The following LRRC3B variants were observed in gnomAD, a reference collection of about 807,000 sequenced individuals.
The protein encoded by LRRC3B is leucine rich repeat containing 3B, also known as leucine-rich repeat-containing protein 3B.
In LRRC3B, 2 loss-of-function variants were observed where a neutral mutation model predicts 12.8. The ratio of observed to expected loss-of-function variants is 0.16; its 90% CI spans 0.06 to 0.49. The LOEUF (loss-of-function observed/expected upper bound fraction) is 0.49. LRRC3B is among the 20% of genes least tolerant of loss of function. LRRC3B has a pLI of 0.96. For synonymous variants in LRRC3B, 132 were observed against 122.0 expected, an observed-to-expected ratio of 1.08 and a Z score of -0.54; for missense variants, 189 against 319.4, an observed-to-expected ratio of 0.59 and a Z score of 3.11.
At chr3:26,636,973 T>A in intron 1 of LRRC3B, among the ~76,000 whole-genome samples, 1 of 117,390 alleles carries the variant, frequency 8.5e-6, no homozygotes, top group Admixed American at 9.7e-5. Context: ...TTTCTTTCTT[T>A]CTCTCTCTCT....
intron 1 of LRRC3B, among the ~76,000 whole-genome samples, chr3:26,674,507 A>AATT (rs1348817100): frequency 1.3e-5 from 2 of 152,204 alleles, no homozygotes; most frequent in Non-Finnish European, 2.9e-5. Flanking sequence ...TTTCTAAATA[A>AATT]ATTATATATT....
intron 1 of LRRC3B, among the ~76,000 whole-genome samples, chr3:26,639,855 C>A (rs1031894841): frequency 6.6e-6 from 1 of 152,046 alleles, no homozygotes; most frequent in Non-Finnish European, 1.5e-5. Flanking sequence ...TTTGTGTGAC[C>A]CTTCCCAAAG....
intron 1 of LRRC3B, among the ~76,000 whole-genome samples, chr3:26,652,167 C>T (rs1173117536): frequency 6.6e-6 from 1 of 152,184 alleles, no homozygotes; most frequent in Non-Finnish European, 1.5e-5. Context: ...GAGGGTTTTT[C>T]AACCAGCTAA....
chr3:26,689,746 A>G (rs1034857443), intron 1 of LRRC3B, among the ~76,000 whole-genome samples: 1 of 152,158 alleles, frequency 6.6e-6, no homozygotes, highest in African/African-American at 2.4e-5. Flanking sequence ...AGCCATCCAG[A>G]TCTTCATTGA....
intron 1 of LRRC3B, among the ~76,000 whole-genome samples, chr3:26,675,650 G>C (rs1446430408): frequency 6.6e-6 from 1 of 152,172 alleles, no homozygotes; most frequent in Non-Finnish European, 1.5e-5. Flanking sequence ...TTCTGGCATT[G>C]TTGAATATAT....
At chr3:26,654,238 A>T (rs183943944) in intron 1 of LRRC3B, among the ~76,000 whole-genome samples, 224 of 152,330 alleles carry the variant, frequency 1.5e-3, no homozygotes, top group Middle Eastern at 3.4e-3. Flanking sequence ...TATTCCATCT[A>T]TACTAAGACA....
intron 1 of LRRC3B, among the ~76,000 whole-genome samples, chr3:26,702,126 G>T (rs1700469942): frequency 6.6e-6 from 1 of 152,154 alleles, no homozygotes; most frequent in African/African-American, 2.4e-5. Context: ...CAGTGACCCT[G>T]CCTGTTGGAA....
intron 1 of LRRC3B, among the ~76,000 whole-genome samples, chr3:26,690,318 G>A (rs955118270): frequency 1.3e-5 from 2 of 152,234 alleles, no homozygotes; most frequent in African/African-American, 4.8e-5. Context: ...TCCTCTGCTT[G>A]ACTTTCTTAG....
At chr3:26,685,657 C>CAACTATT (rs76267290) in intron 1 of LRRC3B, among the ~76,000 whole-genome samples, 137,086 of 143,492 alleles carry the variant, frequency 0.96, 65,537 homozygotes, top group East Asian at 1. Context: ...TTTTTAAAAA[C>CAACTATT]TACTATTACT....
intron 1 of LRRC3B, among the ~76,000 whole-genome samples, chr3:26,662,335 C>T (rs1699508810): frequency 6.6e-6 from 1 of 152,114 alleles, no homozygotes; most frequent in South Asian, 2.1e-4. Context: ...GACTGATATT[C>T]ATCTGATATG....
intron 1 of LRRC3B, among the ~76,000 whole-genome samples, chr3:26,658,010 A>G (rs1279438780): frequency 6.6e-6 from 1 of 152,212 alleles, no homozygotes; most frequent in Non-Finnish European, 1.5e-5. Flanking sequence ...TGACTATCAA[A>G]TTTAGATAAT....
intron 1 of LRRC3B, among the ~76,000 whole-genome samples, chr3:26,687,048 G>T (rs1700102951): frequency 6.6e-6 from 1 of 152,148 alleles, no homozygotes; most frequent in Non-Finnish European, 1.5e-5. Context: ...CAAACCCTTT[G>T]TTGCAGGGTC....
intron 1 of LRRC3B, among the ~76,000 whole-genome samples, chr3:26,644,301 A>G (rs1699096466): frequency 6.6e-6 from 1 of 152,210 alleles, no homozygotes; most frequent in African/African-American, 2.4e-5. Flanking sequence ...TCAGAAGAGG[A>G]GATTGCCTTA....
chr3:26,704,139 T>C (rs1449372857), intron 1 of LRRC3B, among the ~76,000 whole-genome samples: 18 of 152,158 alleles, frequency 1.2e-4, no homozygotes, highest in Non-Finnish European at 2.9e-5. Context: ...TATGTAAACA[T>C]ATTAATTGCA....
At chr3:26,697,047 T>C (rs1700334769) in intron 1 of LRRC3B, among the ~76,000 whole-genome samples, 4 of 152,200 alleles carry the variant, frequency 2.6e-5, no homozygotes, top group Admixed American at 2.0e-4. Flanking sequence ...AGGTACTTAG[T>C]TGCAGCAAAA....
exon 1 of LRRC3B, chr3:26,623,065 A>AGCCAAGCCCGCCGGGC (rs1373108200): frequency 1.3e-5 from 2 of 151,838 alleles, no homozygotes; most frequent in Non-Finnish European, 2.9e-5. Context: ...CTTCGCCGGG[A>AGCCAAGCCCGCCGGGC]GCCAAGCCCG....
chr3:26,659,827 C>T (rs1699457584), intron 1 of LRRC3B, among the ~76,000 whole-genome samples: 1 of 152,178 alleles, frequency 6.6e-6, no homozygotes, highest in South Asian at 2.1e-4. Flanking sequence ...CCTGTAGAGT[C>T]TTCTCTGAAG....
intron 1 of LRRC3B, among the ~76,000 whole-genome samples, chr3:26,657,577 T>C (rs1699400676): frequency 1.3e-5 from 2 of 152,212 alleles, no homozygotes; most frequent in Non-Finnish European, 2.9e-5. Flanking sequence ...GAGTTGATGG[T>C]ATTAGTCATT....
intron 1 of LRRC3B, among the ~76,000 whole-genome samples, chr3:26,656,540 A>T (rs920947802): frequency 1.3e-5 from 2 of 152,192 alleles, no homozygotes; most frequent in Admixed American, 6.5e-5. Flanking sequence ...AAAGACATGA[A>T]TTTTTTGCAT....
Sources: gnomAD v4.1 joint callset for allele counts (sites outside exome capture counted in the v4.1 genomes callset) on GRCh38, gnomAD v4.1.1 for gene constraint, MANE v1.5 for transcripts, NCBI Gene and HGNC (gene_info 2026-07-23, HGNC 2026-07-21) for gene names.